The following PNISR variants were observed in gnomAD, a reference collection of about 807,000 sequenced individuals.
PNISR encodes PNN interacting serine and arginine rich protein.
Under a neutral mutation model 93.4 loss-of-function variants are expected in PNISR, and 20 were observed. The ratio of observed to expected loss-of-function variants is 0.21; its 90% CI spans 0.15 to 0.31. The LOEUF is 0.31. PNISR is among the 10% of genes least tolerant of loss of function. The pLI is 1.00. For missense variants in PNISR, 893 were observed against 985.4 expected (o/e 0.91, Z 1.25); for synonymous variants, 305 against 306.5 (o/e 0.99, Z 0.05).
intron 5 of PNISR, chr6:99,409,589 A>G (rs1478379640): frequency 5.7e-6 from 2 of 352,830 alleles, no homozygotes; most frequent in Admixed American, 4.3e-5. Context: ...TTCAAGAAGT[A>G]TATGAAATTT....
At position 99,409,254 on chromosome 6, in the gene PNISR, G is replaced by C. The variant is rs1776558092; in HGVS notation, c.592C>G (p.Arg198Gly). ...CTGAATGATGATGGCCTTTCTCTTC[G>C]ATTCTGGGGAGGTGCTGGAGGTCCT... is the stretch of plus-strand genomic sequence containing the variant. ...PPGPPAPPQN[R>G]RERPSSFRDR... The change falls in exon 6 of 12, where the codon CGA (arginine) becomes GGA (glycine). Residue 198 changes from arginine to glycine, a missense_variant. By Grantham distance (125) the Arg-to-Gly change is moderately radical. This residue lies in a region of PNISR where 866 missense variants were observed against 935.1 expected (regional missense o/e 0.93). Coordinates refer to ENST00000369239, the MANE Select transcript of PNISR (RefSeq NM_032870.4). The C allele has an allele frequency of 6.2e-7, 1 of 1,613,982 alleles. No homozygotes were observed. The highest frequency in any genetic ancestry group is 8.5e-7 in the Non-Finnish European group (1 of 1,179,912).
At chr6:99,425,067 AC>A (rs1459876935) in intron 1 of PNISR, 147 bp downstream of exon 1, 1 of 429,384 alleles carries the variant, frequency 2.3e-6, no homozygotes. Flanking sequence ...AGTCTGGCGG[AC>A]CGCAGCGCTT....
At chr6:99,413,965 A>C (rs547128494) in intron 3 of PNISR, among the ~76,000 whole-genome samples, 1 of 152,358 alleles carries the variant, frequency 6.6e-6, no homozygotes, top group African/African-American at 2.4e-5. Flanking sequence ...TTAAATAACA[A>C]AACACCCAAA....
At position 99,403,896 on chromosome 6, in the gene PNISR, C is replaced by G; in HGVS notation, c.1103-14G>C. 6.2e-7 allele frequency: 1 copy of G among 1,607,100 alleles called. No individual in the cohort carries two copies. The highest frequency in any genetic ancestry group is 8.5e-7 in the Non-Finnish European group (1 of 1,174,210). ...GTTTTGCAGGAGCTTTGTATCACAT[C>G]AACAACAGGAACAACATGTTAACAC... is the stretch of plus-strand genomic sequence containing the variant. On this transcript the variant is annotated splice_polypyrimidine_tract_variant and intron_variant, in intron 9 of 11. Coordinates refer to ENST00000369239, the MANE Select transcript of PNISR (RefSeq NM_032870.4).
At chr6:99,424,625 T>C (rs761035896) in intron 1 of PNISR, among the ~76,000 whole-genome samples, 31 of 152,230 alleles carry the variant, frequency 2.0e-4, no homozygotes, top group Non-Finnish European at 2.9e-4. Context: ...TGAATTAAAA[T>C]CTTAAGCTAG....
chr6:99,416,401 G>T lies in PNISR; in HGVS notation c.-84C>A. On this transcript the variant is annotated 5_prime_UTR_variant, in exon 2 of 12. Transcript: ENST00000369239. ...TTAGGTTGATTCAGACTACAGCTTC[G>T]AAGCATAGCAGCAAGATTATGTATG... 8.2e-7 allele frequency: 1 copy of T among 1,218,438 alleles called. No homozygotes were observed. Among genetic ancestry groups the T allele is most frequent in the African/African-American group, 1.6e-5 (1 of 64,262 alleles). The allele number at this position is 1,218,438 out of a possible 1,614,324, so 75.5% of individuals were successfully genotyped here.
chr6:99,400,837 C>G lies in PNISR; in HGVS notation c.2121G>C (p.Gln707His). ...CTCGTTTCCTTTTTAATCTATCATC[C>G]TGACTACTGAACTTAAAATCTTTTT... ...REEKDFKFSS[Q>H]DDRLKRKRES... Residue 707 changes from glutamine (Q) to histidine (H), a missense_variant, in exon 12 of 12, where the codon CAG (glutamine) becomes CAC (histidine). Coordinates refer to ENST00000369239, the MANE Select transcript of PNISR (RefSeq NM_032870.4). 1.2e-6 allele frequency: 2 copies of G among 1,610,470 alleles called. No homozygotes were observed. Among genetic ancestry groups the G allele is most frequent in the Non-Finnish European group, 1.7e-6 (2 of 1,177,498 alleles).
chr6:99,401,653 C>A, intron 11 of PNISR, 23 bp from the exon 12 acceptor site: 1 of 1,491,438 alleles, frequency 6.7e-7, no homozygotes, highest in Non-Finnish European at 8.9e-7. Flanking sequence ...AAGACAAAAA[C>A]ACTAAGAAAA....
intron 9 of PNISR, 136 bp from the exon 10 acceptor site, chr6:99,404,018 T>G: frequency 1.6e-6 from 1 of 620,362 alleles, no homozygotes; most frequent in Admixed American, 3.1e-5. Flanking sequence ...AAACATAACA[T>G]TCATTTTAAA....
chr6:99,409,146 G>T (rs146738148), intron 6 of PNISR, 27 bp downstream of exon 6: 1 of 1,584,642 alleles, frequency 6.3e-7, no homozygotes, highest in Non-Finnish European at 8.7e-7. Flanking sequence ...GCCAATTGTG[G>T]TCCACTAAAC....
rs1302634745 is a variant in PNISR at position 99,425,234 on chromosome 6, C to T, written c.-131G>A. On this transcript the variant is annotated 5_prime_UTR_variant, in exon 1 of 12. It adds an upstream start codon to the 5' untranslated region. Coordinates refer to ENST00000369239, the MANE Select transcript of PNISR (RefSeq NM_032870.4). ...ACTTACCCACTCTAGTTCGGGAACA[C>T]CCTTGTCGCCGCCGTTCCGGTAACA... 6.5e-6 allele frequency: 8 copies of T among 1,232,028 alleles called. No homozygotes were observed. In the Admixed American group the frequency reaches 1.7e-4, roughly 26 times the overall value. The allele number at this position is 1,232,028 out of a possible 1,614,324, so 76.3% of individuals were successfully genotyped here. A position where few individuals can be genotyped will look rare whatever the true frequency, so the allele number is the denominator to read the frequency against.
At position 99,404,469 on chromosome 6, in the gene PNISR, TTTAAGAG is replaced by T. The variant is rs763925639; in HGVS notation, c.1102+127_1102+133del. 2.1e-5 allele frequency: 15 copies of T among 702,246 alleles called. No individual in the cohort carries two copies. In the African/African-American group the frequency reaches 2.5e-4, roughly 12 times the overall value. 43.5% of individuals were successfully genotyped at this position (702,246 alleles called of 1,614,324 possible). A position where few individuals can be genotyped will look rare whatever the true frequency, so the allele number is the denominator to read the frequency against. On this transcript the variant is annotated intron_variant, in intron 9 of 11. Coordinates refer to ENST00000369239, the MANE Select transcript of PNISR (RefSeq NM_032870.4). ...TAATATGGTGTCTACGAATCTAATC[TTTAAGAG>T]TTAAAACATGCAAGAGAATATTCAA...
chr6:99,402,188 T>C (rs1018942238), intron 11 of PNISR, among the ~76,000 whole-genome samples: 1 of 152,230 alleles, frequency 6.6e-6, no homozygotes, highest in Non-Finnish European at 1.5e-5. Context: ...TTCCTAGTAT[T>C]AGGTAAAGTA....
intron 10 of PNISR, 92 bp downstream of exon 10, chr6:99,403,737 G>A: frequency 1.1e-6 from 1 of 909,028 alleles, no homozygotes; most frequent in East Asian, 2.5e-5. Flanking sequence ...AACTGAGTAG[G>A]ACTAATACAG....
Position 99,414,292 on chromosome 6 carries a change from A to G in PNISR, c.88+280T>C, listed in dbSNP as rs185071443. Among the ~76,000 whole-genome samples the G allele has an allele frequency of 7.2e-5, 11 of 152,366 alleles. 1 individual carries two copies. The East Asian group carries it at 1.5e-3, about 21-fold the overall frequency. ...CACAGAAGTGTTCTCCATAAGCAAC[A>G]TATTTTAGGCTTTTCTCTTTCTTTA... On this transcript the variant is annotated intron_variant, in intron 3 of 11. Coordinates refer to ENST00000369239, the MANE Select transcript of PNISR (RefSeq NM_032870.4).
intron 1 of PNISR, among the ~76,000 whole-genome samples, chr6:99,417,776 A>G (rs9402778): frequency 0.51 from 77,272 of 151,538 alleles, 20,132 homozygotes; most frequent in East Asian, 0.79. Flanking sequence ...GACCAGCCTG[A>G]CCAACATGGT....
chr6:99,410,693 T>G, intron 5 of PNISR, 48 bp downstream of exon 5: 2 of 1,352,258 alleles, frequency 1.5e-6, no homozygotes, highest in Non-Finnish European at 2.1e-6. Context: ...TTCCAAAGAA[T>G]GGATTACGTG....
chr6:99,417,797 T>C (rs1777904419), intron 1 of PNISR, among the ~76,000 whole-genome samples: 1 of 151,618 alleles, frequency 6.6e-6, no homozygotes, highest in Non-Finnish European at 1.5e-5. Flanking sequence ...GAAACCCCCG[T>C]CTCTACTAAA....
At chr6:99,414,024 G>A (rs1404353722) in intron 3 of PNISR, among the ~76,000 whole-genome samples, 5 of 152,074 alleles carry the variant, frequency 3.3e-5, no homozygotes, top group African/African-American at 1.2e-4. Flanking sequence ...ATGATACATG[G>A]CTATTAAAAA....
Sources: gnomAD v4.1 joint callset for allele counts (sites outside exome capture counted in the v4.1 genomes callset) on GRCh38, gnomAD v4.1.1 for gene constraint, gnomAD v4.1.1 regional missense constraint, MANE v1.5 for transcripts, NCBI Gene and HGNC (gene_info 2026-07-23, HGNC 2026-07-21) for gene names.